Variants in LDB2 observed in about 807,000 individuals in gnomAD.
LDB2 encodes LIM domain-binding protein 2.
Under a neutral mutation model 44.3 loss-of-function variants are expected in LDB2, and 12 were observed. The ratio of observed to expected loss-of-function variants is 0.27; its 90% CI spans 0.17 to 0.44. The LOEUF (loss-of-function observed/expected upper bound fraction) is 0.44, where lower values mean the gene tolerates loss of function less well. Ranked by LOEUF, LDB2 falls within the 20% of genes least tolerant of loss-of-function variation. The pLI, the probability that LDB2 is intolerant of heterozygous loss-of-function variation, is 1.00. For missense variants in LDB2, 344 were observed against 473.5 expected (o/e 0.73, Z 2.54); for synonymous variants, 164 against 174.8 (o/e 0.94, Z 0.49).
chr4:16,896,665 T>A (rs1244729542), intron 1 of LDB2, among the ~76,000 whole-genome samples: 3 of 152,180 alleles, frequency 2.0e-5, no homozygotes, highest in Admixed American at 6.5e-5. Context: ...TCTTTTTTTA[T>A]AACTAATCAT....
Position 16,800,577 on chromosome 4 carries a change from G to A in LDB2, c.133-41317C>T, listed in dbSNP as rs539089466. 2.6e-5 allele frequency among the ~76,000 whole-genome samples: 4 copies of A among 152,374 alleles called. No homozygotes were observed. The East Asian group carries it at 7.7e-4, about 29-fold the overall frequency. On this transcript the variant is annotated intron_variant, in intron 1 of 7. Transcript: ENST00000304523. ...CTCTGCACAGTGACCCTGAAAGGAA[G>A]TCAAAGATGAAGACTGTGCCTAAGT...
chr4:16,871,250 A>C (rs557389097), intron 1 of LDB2, among the ~76,000 whole-genome samples: 1 of 152,324 alleles, frequency 6.6e-6, no homozygotes, highest in East Asian at 1.9e-4. Flanking sequence ...TCAACCCCAC[A>C]CTTTGAATAT....
chr4:16,549,611 C>A (rs565871551), intron 5 of LDB2, among the ~76,000 whole-genome samples: 1 of 152,288 alleles, frequency 6.6e-6, no homozygotes, highest in African/African-American at 2.4e-5. Flanking sequence ...AGCAGTGGGG[C>A]CTTCCTGCTC....
intron 2 of LDB2, among the ~76,000 whole-genome samples, chr4:16,753,263 T>C (rs1366946030): frequency 6.6e-6 from 1 of 152,064 alleles, no homozygotes; most frequent in Admixed American, 6.5e-5. Flanking sequence ...GCAAGCACAG[T>C]ACAAATATAG....
At chr4:16,539,094 T>C (rs2152319530) in intron 5 of LDB2, among the ~76,000 whole-genome samples, 1 of 152,256 alleles carries the variant, frequency 6.6e-6, no homozygotes, top group Middle Eastern at 3.4e-3. Flanking sequence ...AGGCAAAGTT[T>C]CACACAAGAG....
At chr4:16,844,133 T>TATAGTCTC (rs1338790125) in intron 1 of LDB2, among the ~76,000 whole-genome samples, 1 of 147,530 alleles carries the variant, frequency 6.8e-6, no homozygotes, top group African/African-American at 2.5e-5. Context: ...GGCACACTCC[T>TATAGTCTC]ATAGTCTCAG....
At chr4:16,797,752 C>G (rs16894017) in intron 1 of LDB2, among the ~76,000 whole-genome samples, 2,434 of 151,936 alleles carry the variant, frequency 0.016, 52 homozygotes, top group African/African-American at 0.054. Context: ...GCTGTATAAT[C>G]AAGGCTGGGC....
intron 1 of LDB2, among the ~76,000 whole-genome samples, chr4:16,800,937 C>T (rs538760161): frequency 5.3e-5 from 8 of 152,260 alleles, no homozygotes; most frequent in East Asian, 1.9e-4. Flanking sequence ...GGCCTCCCAG[C>T]GTGGTGGGAT....
At chr4:16,746,962 A>G (rs1012569569) in intron 2 of LDB2, among the ~76,000 whole-genome samples, 3 of 152,224 alleles carry the variant, frequency 2.0e-5, no homozygotes, top group African/African-American at 4.8e-5. Flanking sequence ...GAAGGAACAC[A>G]ATGGAAACAC....
chr4:16,587,942 T>G (rs1717590096), intron 4 of LDB2, among the ~76,000 whole-genome samples: 2 of 152,170 alleles, frequency 1.3e-5, no homozygotes, highest in Admixed American at 1.3e-4. Flanking sequence ...GTAGTTACTG[T>G]TATGCTATTT....
At chr4:16,657,791 AATTAG>A (rs1374307786) in intron 2 of LDB2, among the ~76,000 whole-genome samples, 1 of 152,226 alleles carries the variant, frequency 6.6e-6, no homozygotes, top group African/African-American at 2.4e-5. Context: ...TGAAGGGGTG[AATTAG>A]ATTAGACATT....
At chr4:16,782,112 T>A (rs971684559) in intron 1 of LDB2, among the ~76,000 whole-genome samples, 2 of 152,156 alleles carry the variant, frequency 1.3e-5, no homozygotes, top group Non-Finnish European at 2.9e-5. Context: ...ACCACTGAAT[T>A]CCATACTATT....
intron 2 of LDB2, among the ~76,000 whole-genome samples, chr4:16,756,851 A>G (rs1180501997): frequency 6.6e-6 from 1 of 151,956 alleles, no homozygotes; most frequent in African/African-American, 2.4e-5. Context: ...ACCCCCCTAG[A>G]CACCAGCGAT....
At chr4:16,769,723 G>C (rs1345964939) in intron 1 of LDB2, among the ~76,000 whole-genome samples, 1 of 150,944 alleles carries the variant, frequency 6.6e-6, no homozygotes, top group Non-Finnish European at 1.5e-5. Context: ...GTAAGCATTA[G>C]TTATTATTTT....
chr4:16,803,029 T>C (rs1778147569), intron 1 of LDB2, among the ~76,000 whole-genome samples: 1 of 152,152 alleles, frequency 6.6e-6, no homozygotes, highest in Admixed American at 6.5e-5. Flanking sequence ...ACTCATGGCT[T>C]AGAAGAAAGG....
At chr4:16,768,570 A>G (rs1406451102) in intron 1 of LDB2, among the ~76,000 whole-genome samples, 3 of 152,030 alleles carry the variant, frequency 2.0e-5, no homozygotes, top group African/African-American at 7.2e-5. Context: ...CCCAAATCTC[A>G]TGCCTTCTGC....
intron 1 of LDB2, among the ~76,000 whole-genome samples, chr4:16,805,874 T>C (rs944220303): frequency 6.6e-6 from 1 of 152,212 alleles, no homozygotes; most frequent in African/African-American, 2.4e-5. Flanking sequence ...ATTTCTGGCA[T>C]GAGAATTTTC....
chr4:16,697,968 A>G (rs1484710633), intron 2 of LDB2, among the ~76,000 whole-genome samples: 1 of 152,216 alleles, frequency 6.6e-6, no homozygotes, highest in East Asian at 1.9e-4. Flanking sequence ...GCATTGGATA[A>G]GTTATATTTT....
intron 2 of LDB2, among the ~76,000 whole-genome samples, chr4:16,696,083 G>A (rs1221096427): frequency 6.6e-6 from 1 of 152,202 alleles, no homozygotes; most frequent in Non-Finnish European, 1.5e-5. Flanking sequence ...TGAAAGTGCT[G>A]CAAAGGCCTT....
Sources: allele counts gnomAD v4.1 joint callset (sites outside exome capture counted in the v4.1 genomes callset), GRCh38; gene constraint gnomAD v4.1.1; transcripts MANE v1.5; gene names NCBI Gene and HGNC (gene_info 2026-07-23, HGNC 2026-07-21).